DMXL2: variants seen among roughly 807,000 people sequenced by gnomAD.
DMXL2 encodes dmX-like protein 2.
DMXL2 carries 103 observed loss-of-function variants against 331.1 expected under a neutral mutation model. That is an observed-to-expected ratio of 0.31 (90% CI 0.27 to 0.37). DMXL2 has a LOEUF of 0.37. Ranked by LOEUF, DMXL2 falls within the 10% of genes least tolerant of loss-of-function variation. DMXL2 has a pLI of 1.00. For missense variants in DMXL2, 3,171 were observed against 3,642.9 expected (o/e 0.87, Z 3.33); for synonymous variants, 1,281 against 1,252.1 (o/e 1.02, Z -0.49).
At chr15:51,604,344 A>G (rs1490486723) in intron 1 of DMXL2, among the ~76,000 whole-genome samples, 4 of 151,428 alleles carry the variant, frequency 2.6e-5, no homozygotes, top group African/African-American at 9.7e-5. Flanking sequence ...AGAAGAATTC[A>G]AACTGTCTAA....
intron 29 of DMXL2, 149 bp downstream of exon 29, chr15:51,471,074 A>G: frequency 1.5e-6 from 1 of 647,894 alleles, no homozygotes; most frequent in Non-Finnish European, 2.4e-6. Flanking sequence ...TACTATGACT[A>G]TTCAGTTTCT....
At chr15:51,451,245 C>T (rs1211681779) in intron 42 of DMXL2, among the ~76,000 whole-genome samples, 2 of 151,986 alleles carry the variant, frequency 1.3e-5, no homozygotes. Context: ...CTGAGCAATA[C>T]AGCATGACCT....
intron 1 of DMXL2, among the ~76,000 whole-genome samples, chr15:51,607,221 C>A (rs2053649635): frequency 6.6e-6 from 1 of 151,926 alleles, no homozygotes; most frequent in Non-Finnish European, 1.5e-5. Context: ...CTTTGGGAGG[C>A]CGAGGCAGGC....
chr15:51,450,823 G>A (rs1363996569), intron 42 of DMXL2: 1 of 158,650 alleles, frequency 6.3e-6, no homozygotes, highest in Non-Finnish European at 1.4e-5. Flanking sequence ...TATGATTAAA[G>A]ATTCAAATTA....
chr15:51,466,998 T>C (rs2040643002), intron 29 of DMXL2, among the ~76,000 whole-genome samples: 2 of 151,890 alleles, frequency 1.3e-5, no homozygotes, highest in African/African-American at 2.4e-5. Flanking sequence ...AAGAAGTTAA[T>C]CTGACAAAGG....
chr15:51,577,092 T>A (rs1225694376), intron 1 of DMXL2, among the ~76,000 whole-genome samples: 1 of 152,180 alleles, frequency 6.6e-6, no homozygotes, highest in Non-Finnish European at 1.5e-5. Context: ...AAACTACTTA[T>A]GATTAAATAT....
chr15:51,502,875 T>G lies in DMXL2; in HGVS notation c.2923A>C (p.Arg975=). Residue 975 remains arginine (R), a synonymous_variant, in exon 17 of 44, where the codon AGA becomes CGA. Transcript: ENST00000560891. ...QTASKLILSS[R]LVYSQPLDLP... is the part of the protein sequence containing the mutation. ...TCAAGGGGTTGGCTATACACCAGTC[T>G]AGAACTCAGAATAAGTTTACTGGCA... The G allele has an allele frequency of 6.2e-7, 1 of 1,614,122 alleles. No individual in the cohort carries two copies. The highest frequency in any genetic ancestry group is 8.5e-7 in the Non-Finnish European group (1 of 1,180,004).
intron 30 of DMXL2, 89 bp from the exon 31 acceptor site, chr15:51,465,740 A>C (rs2040512003): frequency 2.1e-6 from 2 of 930,784 alleles, no homozygotes; most frequent in Admixed American, 5.3e-5. Flanking sequence ...TGTTTAGCCC[A>C]CTCTCCAACC....
intron 1 of DMXL2, among the ~76,000 whole-genome samples, chr15:51,579,323 T>G (rs1013324308): frequency 6.6e-6 from 1 of 152,162 alleles, no homozygotes; most frequent in Non-Finnish European, 1.5e-5. Context: ...CTTGAAAAAG[T>G]GCACAGGGGC....
chr15:51,505,551 T>C (rs1248668399), intron 16 of DMXL2, among the ~76,000 whole-genome samples: 2 of 152,262 alleles, frequency 1.3e-5, no homozygotes, highest in African/African-American at 4.8e-5. Context: ...ATCCCTTCTC[T>C]TGCATTTCTA....
At chr15:51,508,094 G>A (rs972243613) in intron 15 of DMXL2, among the ~76,000 whole-genome samples, 4 of 152,156 alleles carry the variant, frequency 2.6e-5, no homozygotes, top group South Asian at 2.1e-4. Context: ...GTCTGGCACC[G>A]CATGTTCTCA....
At chr15:51,609,011 G>T (rs1301019748) in intron 1 of DMXL2, among the ~76,000 whole-genome samples, 1 of 152,196 alleles carries the variant, frequency 6.6e-6, no homozygotes, top group African/African-American at 2.4e-5. Flanking sequence ...ATTATAAGCA[G>T]GAAGGGAGTT....
chr15:51,498,421 A>C (rs2043342575), intron 18 of DMXL2, 131 bp downstream of exon 18: 3 of 791,746 alleles, frequency 3.8e-6, no homozygotes, highest in Non-Finnish European at 6.0e-6. Flanking sequence ...AATAGTAATT[A>C]CCTATTAAGG....
chr15:51,480,572 T>C lies in DMXL2; in HGVS notation c.6534A>G (p.Glu2178=). The change falls in exon 24 of 44, where the codon GAA becomes GAG. Residue 2178 remains glutamate, a synonymous_variant. Transcript: ENST00000560891. ...QGGGLASVRM[E]LKFLLQESQQ... is the part of the protein sequence containing the mutation. Reference sequence around the variant, plus strand: ...GTGATTCTTGTAGCAAAAATTTGAGTTCCATCCTTACTGAAGCCAAACCAC... The same window carrying C: ...GTGATTCTTGTAGCAAAAATTTGAGCTCCATCCTTACTGAAGCCAAACCAC... 1 of 1,536,046 alleles carries C rather than the reference T, an allele frequency of 6.5e-7. No individual in the cohort carries two copies. The highest frequency in any genetic ancestry group is 8.8e-7 in the Non-Finnish European group (1 of 1,139,140).
At chr15:51,570,127 C>T (rs995299630) in intron 2 of DMXL2, among the ~76,000 whole-genome samples, 2 of 151,866 alleles carry the variant, frequency 1.3e-5, no homozygotes, top group Admixed American at 6.6e-5. Context: ...AAACACAGCA[C>T]GAGAACTTCA....
chr15:51,548,830 A>C (rs935378714), intron 6 of DMXL2, among the ~76,000 whole-genome samples: 4 of 152,154 alleles, frequency 2.6e-5, no homozygotes, highest in Non-Finnish European at 5.9e-5. Context: ...AAATTTTAAA[A>C]TATGTTGAAA....
chr15:51,470,917 G>C (rs2041043653), intron 29 of DMXL2, among the ~76,000 whole-genome samples: 1 of 152,116 alleles, frequency 6.6e-6, no homozygotes, highest in Non-Finnish European at 1.5e-5. Flanking sequence ...ATTAGAAGAG[G>C]GGTGTCTAGG....
intron 1 of DMXL2, among the ~76,000 whole-genome samples, chr15:51,589,812 G>T (rs775503745): frequency 5.3e-5 from 8 of 152,172 alleles, no homozygotes; most frequent in African/African-American, 1.2e-4. Context: ...ACTATAAAGA[G>T]AATTAAATAG....
chr15:51,622,600 G>C lies in DMXL2; in HGVS notation c.-55C>G. 12 of 1,515,428 alleles carry C rather than the reference G, an allele frequency of 7.9e-6. No homozygotes were observed. The highest frequency in any genetic ancestry group is 3.7e-5 in the South Asian group (3 of 80,676). 93.9% of individuals were successfully genotyped at this position (1,515,428 alleles called of 1,614,324 possible). On this transcript the variant is annotated 5_prime_UTR_variant, in exon 1 of 44. Transcript: ENST00000560891. The stretch of plus-strand genomic sequence containing the variant: ...GGGAGGTGCGACAAGCTCCGCGCCT[G>C]ACCCTCCTCGGGCTGCGAGAGCCGT...
Sources: gnomAD v4.1 joint callset for allele counts (sites outside exome capture counted in the v4.1 genomes callset) on GRCh38, gnomAD v4.1.1 for gene constraint, MANE v1.5 for transcripts, NCBI Gene and HGNC (gene_info 2026-07-23, HGNC 2026-07-21) for gene names.